COL6A5: variants seen among roughly 807,000 people sequenced by gnomAD.
The protein encoded by COL6A5 is collagen alpha-5(VI) chain.
In COL6A5, 48 loss-of-function variants were observed where a neutral mutation model predicts 65.6. The observed-to-expected ratio is 0.73, with a 90% confidence interval of 0.58 to 0.93. COL6A5 has a LOEUF of 0.93. COL6A5 is among the 40% of genes least tolerant of loss of function. The pLI, the probability that COL6A5 is intolerant of heterozygous loss-of-function variation, is 0.00. For missense variants in COL6A5, 914 were observed against 928.3 expected (o/e 0.98, Z 0.20); for synonymous variants, 291 against 322.8 (o/e 0.90, Z 1.05).
rs955281513 is a variant in COL6A5, at chr3:130,395,513, C to A, written c.3568+48C>A. 3.6e-6 allele frequency: 5 copies of A among 1,400,966 alleles called. No individual in the cohort carries two copies. In the African/African-American group the frequency reaches 7.3e-5, roughly 21 times the overall value. The allele number at this position is 1,400,966 out of a possible 1,614,324, so 86.8% of individuals were successfully genotyped here. On this transcript the variant is annotated intron_variant and NMD_transcript_variant, in intron 8 of 41. Transcript: ENST00000312481. ...TCTTCCATGGAAACTTCTCATTTCT[C>A]CATTTCCCAAGAGTGTCTTATGGGC... is the stretch of plus-strand genomic sequence containing the variant.
intron 5 of COL6A5, among the ~76,000 whole-genome samples, chr3:130,460,471 G>T (rs533180275): frequency 9.9e-5 from 15 of 152,220 alleles, no homozygotes; most frequent in African/African-American, 3.6e-4. Flanking sequence ...GAATTCAGAC[G>T]TACATTGATG....
At chr3:130,473,007 G>C (rs1709997462) in intron 7 of COL6A5, among the ~76,000 whole-genome samples, 1 of 150,010 alleles carries the variant, frequency 6.7e-6, no homozygotes, top group South Asian at 2.1e-4. Context: ...AATAAGAGAA[G>C]TGAATATAGG....
At chr3:130,414,207 A>G in intron 22 of COL6A5, 76 bp downstream of exon 22, 1 of 1,137,622 alleles carries the variant, frequency 8.8e-7, no homozygotes, top group Admixed American at 2.1e-5. Flanking sequence ...GTATTTCTGT[A>G]TAAAAATAAA....
intron 6 of COL6A5, among the ~76,000 whole-genome samples, chr3:130,469,769 T>C (rs1411187384): frequency 6.6e-6 from 1 of 152,072 alleles, no homozygotes; most frequent in Non-Finnish European, 1.5e-5. Context: ...ATTGATTGTG[T>C]CATTTAATCT....
intron 19 of COL6A5, 76 bp downstream of exon 19, chr3:130,410,150 C>T (rs1439079305): frequency 1.0e-5 from 11 of 1,079,584 alleles, no homozygotes; most frequent in Non-Finnish European, 1.5e-5. Context: ...ATATGTAACC[C>T]TTCTGTAATT....
chr3:130,476,263 A>G (rs1298156344), intron 7 of COL6A5, among the ~76,000 whole-genome samples: 4 of 152,064 alleles, frequency 2.6e-5, no homozygotes, highest in Non-Finnish European at 5.9e-5. Context: ...TCTTTTTATA[A>G]GAGTAACGGT....
chr3:130,362,732 G>A (rs116686177), intron 1 of COL6A5, among the ~76,000 whole-genome samples: 2 of 152,084 alleles, frequency 1.3e-5, no homozygotes, highest in Non-Finnish European at 2.9e-5. Flanking sequence ...CTGACATCTT[G>A]ACAGTACTGA....
rs115926743 is a variant in COL6A5 at position 130,405,869 on chromosome 3, C to A, written c.4354-124C>A. 1.4e-3 allele frequency: 1,431 copies of A among 1,032,602 alleles called. 17 individuals carry two copies. In the African/African-American group the frequency reaches 0.019, roughly 14 times the overall value. 64.0% of individuals were successfully genotyped at this position (1,032,602 alleles called of 1,614,324 possible). On this transcript the variant is annotated intron_variant and NMD_transcript_variant, in intron 14 of 41. Transcript: ENST00000312481. ...TAGCATTAATAAATTGCATCTCTAA[C>A]CTCTTTGTAGATGTATAGCCCGAAG...
intron 1 of COL6A5, among the ~76,000 whole-genome samples, 179 bp downstream of exon 33, chr3:130,432,128 G>A (rs1443239471): frequency 6.6e-6 from 1 of 152,170 alleles, no homozygotes; most frequent in African/African-American, 2.4e-5. Context: ...AATAACAACA[G>A]TCAATGATAA....
chr3:130,392,690 AC>A (rs2107654690), intron 7 of COL6A5, among the ~76,000 whole-genome samples: 1 of 152,246 alleles, frequency 6.6e-6, no homozygotes, highest in South Asian at 2.1e-4. Context: ...TCTAAGACTG[AC>A]ATTAACCCAC....
At chr3:130,413,644 G>C in intron 21 of COL6A5, 64 bp downstream of exon 21, 1 of 1,476,200 alleles carries the variant, frequency 6.8e-7, no homozygotes, top group Non-Finnish European at 9.3e-7. Flanking sequence ...TCCCATGTAG[G>C]TGGTGCTGGG....
chr3:130,403,092 G>A (rs1346026070), intron 12 of COL6A5, among the ~76,000 whole-genome samples: 1 of 152,146 alleles, frequency 6.6e-6, no homozygotes, highest in Non-Finnish European at 1.5e-5. Flanking sequence ...GGTGGGGAAA[G>A]CAAACTCAAA....
At chr3:130,480,454 A>G (rs1010211350) in intron 7 of COL6A5, among the ~76,000 whole-genome samples, 2 of 152,074 alleles carry the variant, frequency 1.3e-5, no homozygotes, top group African/African-American at 2.4e-5. Context: ...ATGAAATTCT[A>G]TGGGGAAAGT....
rs1416181105 is a variant in COL6A5 at position 130,395,342 on chromosome 3, C to T, written c.3445C>T (p.His1149Tyr). ...GGGCATAGGAGATGTTTATAAGGAACATCTCCTGCCAATAACAGGCAATTC... is the reference window on the plus strand; with the variant it reads ...GGGCATAGGAGATGTTTATAAGGAATATCTCCTGCCAATAACAGGCAATTC... The change falls in exon 8 of 42, where the codon CAT (histidine) becomes TAT (tyrosine). Residue 1149 changes from histidine (H) to tyrosine (Y), a missense_variant and NMD_transcript_variant. His to Tyr is a moderately conservative substitution (Grantham distance 83). Transcript: ENST00000312481. 4 of 1,550,136 alleles carry T rather than the reference C, an allele frequency of 2.6e-6. No homozygotes were observed. The African/African-American group carries it at 4.1e-5, about 16-fold the overall frequency.
exon 5 of COL6A5, chr3:130,384,988 T>C (rs1010690767): frequency 1.0e-5 from 16 of 1,550,990 alleles, no homozygotes; most frequent in Non-Finnish European, 1.3e-5. Flanking sequence ...TGGAATTTTA[T>C]ATCACTGACT....
At chr3:130,481,225 T>A (rs1710232487) in intron 7 of COL6A5, among the ~76,000 whole-genome samples, 1 of 132,296 alleles carries the variant, frequency 7.6e-6, no homozygotes, top group Non-Finnish European at 1.6e-5. Flanking sequence ...AGCCCCAGTG[T>A]GTGATGTTCC....
At chr3:130,453,682 T>A (rs1407522385) in intron 4 of COL6A5, among the ~76,000 whole-genome samples, 1 of 152,204 alleles carries the variant, frequency 6.6e-6, no homozygotes, top group African/African-American at 2.4e-5. Flanking sequence ...GTTGCTTTCT[T>A]CTTTTCTGTG....
intron 7 of COL6A5, among the ~76,000 whole-genome samples, chr3:130,476,526 G>A (rs1710101857): frequency 6.6e-6 from 1 of 152,018 alleles, no homozygotes; most frequent in Non-Finnish European, 1.5e-5. Context: ...CCAAAGTCTA[G>A]CCCACACCCC....
intron 4 of COL6A5, among the ~76,000 whole-genome samples, chr3:130,448,514 G>A (rs1709356198): frequency 6.6e-6 from 1 of 152,158 alleles, no homozygotes; most frequent in Non-Finnish European, 1.5e-5. Context: ...GAGGTCGAAT[G>A]CATTGTTTAT....
Sources: allele counts gnomAD v4.1 joint callset (sites outside exome capture counted in the v4.1 genomes callset), GRCh38; gene constraint gnomAD v4.1.1; transcripts MANE v1.5; gene names NCBI Gene and HGNC (gene_info 2026-07-23, HGNC 2026-07-21).